Variants in TRIM62 observed in about 807,000 individuals in gnomAD.
TRIM62 encodes E3 ubiquitin-protein ligase TRIM62.
Under a neutral mutation model 44.2 loss-of-function variants are expected in TRIM62, and 39 were observed. The ratio of observed to expected loss-of-function variants is 0.88; its 90% confidence interval spans 0.68 to 1.15. The LOEUF (loss-of-function observed/expected upper bound fraction) is 1.15, where lower values mean the gene tolerates loss of function less well. TRIM62 is among the 50% of genes most tolerant of loss of function. The pLI is 0.00. For missense variants in TRIM62, 544 were observed against 665.5 expected (o/e 0.82, Z 2.01); for synonymous variants, 278 against 292.3 (o/e 0.95, Z 0.50).
In TRIM62 at chr1:33,165,469, A is replaced by T. The variant is rs1557758525; in HGVS notation, c.504+2T>A. On this transcript the variant is annotated splice_donor_variant, in intron 2 of 4. Transcript: ENST00000291416. LOFTEE classifies it high-confidence loss of function. The surrounding 1 kb of genome is among the most constrained non-coding windows in gnomAD (Gnocchi z 4.0). The stretch of plus-strand genomic sequence containing the variant: ...CCACCTCCGCGCCCCGGCCAGGCTC[A>T]CCTTGGTCTCCGCCAGTTGTCGCTT... 6.3e-7 allele frequency: 1 copy of T among 1,596,730 alleles called. No individual in the cohort carries two copies. The highest frequency in any genetic ancestry group is 8.5e-7 in the Non-Finnish European group (1 of 1,171,362).
chr1:33,176,153 C>T (rs1401040574), intron 1 of TRIM62, among the ~76,000 whole-genome samples: 1 of 152,210 alleles, frequency 6.6e-6, no homozygotes, highest in African/African-American at 2.4e-5. Context: ...ACACAGACAA[C>T]CCAGCTGCCT....
intron 1 of TRIM62, among the ~76,000 whole-genome samples, chr1:33,172,249 G>A (rs1465130210): frequency 6.6e-6 from 1 of 152,204 alleles, no homozygotes; most frequent in Non-Finnish European, 1.5e-5. Flanking sequence ...AACGGGGGGA[G>A]CTTCAAGGAA....
chr1:33,151,897 G>A (rs1176622957), intron 4 of TRIM62, among the ~76,000 whole-genome samples: 1 of 152,246 alleles, frequency 6.6e-6, no homozygotes, highest in Non-Finnish European at 1.5e-5. Flanking sequence ...GCAGTGAGTG[G>A]ATTGTGTTTC....
In TRIM62 at chr1:33,161,980, T is replaced by C. The variant is rs1031402429; in HGVS notation, c.505-2036A>G. 2.6e-5 allele frequency among the ~76,000 whole-genome samples: 4 copies of C among 152,144 alleles called. No homozygotes were observed. The highest frequency in any genetic ancestry group is 9.7e-5 in the African/African-American group (4 of 41,440). On this transcript the variant is annotated intron_variant, in intron 2 of 4. Transcript: ENST00000291416. This position sits in a 1 kb window ranked among gnomAD's most constrained non-coding sequence, Gnocchi z 4.3. ...GCTTTAAGGATGGTTCCCAAGTCCA[T>C]ATAGATGGCCTTGCCTGTCTCCTGA...
At chr1:33,173,030 T>C (rs1296181447) in intron 1 of TRIM62, among the ~76,000 whole-genome samples, 2 of 152,172 alleles carry the variant, frequency 1.3e-5, no homozygotes, top group African/African-American at 4.8e-5. Flanking sequence ...TACTGCTCTC[T>C]CTTTCCCTCT....
At position 33,167,022 on chromosome 1, in the gene TRIM62, G is replaced by A. The variant is rs1384129355; in HGVS notation, c.409-1456C>T. Among the ~76,000 whole-genome samples, 1 of 152,132 alleles carries A rather than the reference G, an allele frequency of 6.6e-6. No individual in the cohort carries two copies. Among genetic ancestry groups the A allele is most frequent in the Admixed American group, 6.5e-5 (1 of 15,280 alleles). On this transcript the variant is annotated intron_variant, in intron 1 of 4. Coordinates refer to ENST00000291416, the MANE Select transcript of TRIM62 (RefSeq NM_018207.3). The surrounding 1 kb of genome is among the most constrained non-coding windows in gnomAD (Gnocchi z 4.2). Reference sequence around the variant, plus strand: ...CCCCATCACTCCCATCCAGCCAGTGGCCTTCTTCCTGTGCCTCCACCATCT... The same window carrying A: ...CCCCATCACTCCCATCCAGCCAGTGACCTTCTTCCTGTGCCTCCACCATCT...
Position 33,165,289 on chromosome 1 carries a change from T to G in TRIM62, c.504+182A>C. Reference sequence around the variant, plus strand: ...TCATGATGGGGTGGGTGCCGCCCCATTGAACTTCACGGATGCCCTACCCTC... The same window carrying G: ...TCATGATGGGGTGGGTGCCGCCCCAGTGAACTTCACGGATGCCCTACCCTC... On this transcript the variant is annotated intron_variant, in intron 2 of 4. Transcript: ENST00000291416. The surrounding 1 kb of genome is among the most constrained non-coding windows in gnomAD (Gnocchi z 4.0). 1.9e-6 allele frequency: 1 copy of G among 540,498 alleles called. No homozygotes were observed. Among genetic ancestry groups the G allele is most frequent in the Non-Finnish European group, 3.3e-6 (1 of 304,994 alleles). The allele number at this position is 540,498 out of a possible 1,614,324, so 33.5% of individuals were successfully genotyped here.
Position 33,155,731 on chromosome 1 carries a change from T to A in TRIM62, c.877+2522A>T, listed in dbSNP as rs559891749. Among the ~76,000 whole-genome samples, 175 of 152,334 alleles carry A rather than the reference T, an allele frequency of 1.1e-3. 1 individual carries two copies. Among genetic ancestry groups the A allele is most frequent in the Admixed American group, 0.011 (171 of 15,302 alleles). Reference sequence around the variant, plus strand: ...TTCTCAGGGAGAATTCACTTCTCTATCCAGGTCTCTCCTCTAAAGGACATC... The same window carrying A: ...TTCTCAGGGAGAATTCACTTCTCTAACCAGGTCTCTCCTCTAAAGGACATC... On this transcript the variant is annotated intron_variant, in intron 4 of 4. Coordinates refer to ENST00000291416, the MANE Select transcript of TRIM62 (RefSeq NM_018207.3).
intron 1 of TRIM62, among the ~76,000 whole-genome samples, chr1:33,178,312 T>G (rs1645436907): frequency 6.6e-6 from 1 of 152,202 alleles, no homozygotes; most frequent in African/African-American, 2.4e-5. Flanking sequence ...GCTGCATAAA[T>G]AGCTAATAAG....
rs1645040278 is a variant in TRIM62 at position 33,147,730 on chromosome 1, G to A, written c.878-3C>T. 6.2e-7 allele frequency: 1 copy of A among 1,607,062 alleles called. No individual in the cohort carries two copies. Among genetic ancestry groups the A allele is most frequent in the Non-Finnish European group, 8.5e-7 (1 of 1,175,230 alleles). ...GTCCAGGGTTAGGGCGGCTGGCACT[G>A]TGGGGGTTGGAGGAGGGAGAGAAGA... On this transcript the variant is annotated splice_polypyrimidine_tract_variant and splice_region_variant and intron_variant, in intron 4 of 4. Coordinates refer to ENST00000291416, the MANE Select transcript of TRIM62 (RefSeq NM_018207.3). This position sits in a 1 kb window ranked among gnomAD's most constrained non-coding sequence, Gnocchi z 8.1.
In TRIM62 at chr1:33,177,099, A is replaced by G. The variant is rs1327632421; in HGVS notation, c.408+3926T>C. 6.6e-6 allele frequency among the ~76,000 whole-genome samples: 1 copy of G among 151,698 alleles called. No homozygotes were observed. Among genetic ancestry groups the G allele is most frequent in the Non-Finnish European group, 1.5e-5 (1 of 67,876 alleles). On this transcript the variant is annotated intron_variant, in intron 1 of 4. Coordinates refer to ENST00000291416, the MANE Select transcript of TRIM62 (RefSeq NM_018207.3). The surrounding 1 kb of genome is among the most constrained non-coding windows in gnomAD (Gnocchi z 4.1). ...CACACATGCATGCACAAATGCACAC[A>G]CATGCACACACACATGCATGTACGC...
At position 33,177,474 on chromosome 1, in the gene TRIM62, C is replaced by T. The variant is rs1252878926; in HGVS notation, c.408+3551G>A. ...GACACACAGCATGTCAGGATCTGAC[C>T]CCTGTGATGTAATCTGGAGTACAAA... On this transcript the variant is annotated intron_variant, in intron 1 of 4. Coordinates refer to ENST00000291416, the MANE Select transcript of TRIM62 (RefSeq NM_018207.3). The surrounding 1 kb of genome is among the most constrained non-coding windows in gnomAD (Gnocchi z 4.1). Among the ~76,000 whole-genome samples, 1 of 151,998 alleles carries T rather than the reference C, an allele frequency of 6.6e-6. No individual in the cohort carries two copies. The highest frequency in any genetic ancestry group is 1.5e-5 in the Non-Finnish European group (1 of 68,006).
chr1:33,180,227 C>T (rs1645450140), intron 1 of TRIM62, among the ~76,000 whole-genome samples: 1 of 152,120 alleles, frequency 6.6e-6, no homozygotes, highest in African/African-American at 2.4e-5. Flanking sequence ...TCAAAAACCT[C>T]TAGAGACTCC....
intron 4 of TRIM62, among the ~76,000 whole-genome samples, chr1:33,150,332 C>T (rs576908115): frequency 6.6e-6 from 1 of 152,320 alleles, no homozygotes; most frequent in South Asian, 2.1e-4. Context: ...CACTGATGTG[C>T]AGAAATAAGA....
At chr1:33,174,728 C>G (rs536428754) in intron 1 of TRIM62, among the ~76,000 whole-genome samples, 1 of 152,090 alleles carries the variant, frequency 6.6e-6, no homozygotes, top group Non-Finnish European at 1.5e-5. Flanking sequence ...CTCAGCGTAT[C>G]TTTTAGGATT....
intron 4 of TRIM62, among the ~76,000 whole-genome samples, chr1:33,152,691 T>G (rs1197654547): frequency 6.6e-6 from 1 of 152,050 alleles, no homozygotes; most frequent in Non-Finnish European, 1.5e-5. Flanking sequence ...AAACAAATAA[T>G]TTAATCTGCA....
intron 1 of TRIM62, among the ~76,000 whole-genome samples, chr1:33,179,285 C>T (rs1477837727): frequency 6.6e-6 from 1 of 152,232 alleles, no homozygotes; most frequent in African/African-American, 2.4e-5. Context: ...GGCCTTCATC[C>T]TCAGACAGCT....
At chr1:33,174,998 C>CATATTTAT (rs1557762517) in intron 1 of TRIM62, among the ~76,000 whole-genome samples, 3 of 40,706 alleles carry the variant, frequency 7.4e-5, no homozygotes, top group African/African-American at 1.1e-4. Flanking sequence ...TGCACACACA[C>CATATTTAT]ATGTATGTAT....
intron 4 of TRIM62, among the ~76,000 whole-genome samples, chr1:33,155,939 G>A (rs183370733): frequency 5.3e-4 from 81 of 152,294 alleles, no homozygotes; most frequent in Non-Finnish European, 9.3e-4. Flanking sequence ...TCCCATCTCC[G>A]CTGATGATCT....
Sources: gnomAD v4.1 joint callset for allele counts (sites outside exome capture counted in the v4.1 genomes callset) on GRCh38, gnomAD v4.1.1 for gene constraint, Gnocchi (gnomAD v3.1) non-coding constraint, MANE v1.5 for transcripts, NCBI Gene and HGNC (gene_info 2026-07-23, HGNC 2026-07-21) for gene names.